USP15: variants seen among roughly 807,000 people sequenced by gnomAD.
USP15 encodes ubiquitin specific peptidase 15.
A neutral mutation model predicts 127.1 loss-of-function variants in USP15; 18 were observed. The ratio of observed to expected loss-of-function variants is 0.14; its 90% CI spans 0.10 to 0.21. The LOEUF is 0.21. Ranked by LOEUF, USP15 falls within the 10% of genes least tolerant of loss-of-function variation. The pLI is 1.00. For synonymous variants in USP15, 364 were observed against 393.7 expected, an observed-to-expected ratio of 0.92 and a Z score of 0.89; for missense variants, 805 against 1,159.9, an observed-to-expected ratio of 0.69 and a Z score of 4.44.
At chr12:62,284,250 G>A (rs769837343) in intron 1 of USP15, among the ~76,000 whole-genome samples, 13 of 152,162 alleles carry the variant, frequency 8.5e-5, no homozygotes, top group Non-Finnish European at 1.2e-4. Flanking sequence ...GGAACTTTGC[G>A]AAGAAAGCAA....
intron 2 of USP15, among the ~76,000 whole-genome samples, chr12:62,298,517 T>G (rs1460597556): frequency 1.3e-5 from 2 of 151,908 alleles, no homozygotes; most frequent in Non-Finnish European, 1.5e-5. Context: ...ATACAAAAAA[T>G]TAGCTGGGTG....
rs745698153 is a variant in USP15 at position 62,401,273 on chromosome 12, G to T, written c.2761G>T (p.Val921Leu). Residue 921 changes from valine to leucine, a missense_variant and splice_region_variant, in exon 21 of 22, where the codon GTG (valine) becomes TTG (leucine). Val to Leu is a conservative substitution (Grantham distance 32, BLOSUM62 1). Coordinates refer to ENST00000280377, the MANE Select transcript of USP15 (RefSeq NM_001252078.2). ...SVSTASEDQI[V>L]SKAAYVLFYQ... ...CTCCACTGCATCTGAAGACCAAATT[G>T]TGGTAAGTTTGTCTTATATTTCCTG... is the stretch of plus-strand genomic sequence containing the variant. The T allele has an allele frequency of 3.7e-6, 6 of 1,609,132 alleles. No homozygotes were observed. In the South Asian group the frequency reaches 6.6e-5, roughly 18 times the overall value.
chr12:62,391,108 A>T (rs768604907), intron 15 of USP15, 49 bp from the exon 16 acceptor site: 3 of 1,535,620 alleles, frequency 2.0e-6, no homozygotes, highest in South Asian at 2.6e-5. Flanking sequence ...TTAATAATTT[A>T]AAAATATAGC....
chr12:62,390,736 A>G (rs2067299185), intron 14 of USP15, 128 bp from the exon 15 acceptor site: 1 of 546,490 alleles, frequency 1.8e-6, no homozygotes, highest in Non-Finnish European at 3.2e-6. Flanking sequence ...GTTTGAATTT[A>G]TCTTTGAATC....
At position 62,297,905 on chromosome 12, in the gene USP15, A is replaced by G. The variant is rs550964923; in HGVS notation, c.217+3599A>G. On this transcript the variant is annotated intron_variant, in intron 2 of 21. Coordinates refer to ENST00000280377, the MANE Select transcript of USP15 (RefSeq NM_001252078.2). ...AAAGCTCACTGAGTTACACGAAAAC[A>G]TAGACAACTTAACAAAACAAGAAAA... Among the ~76,000 whole-genome samples the G allele has an allele frequency of 8.7e-4, 133 of 152,332 alleles. 1 individual carries two copies. Among genetic ancestry groups the G allele is most frequent in the Non-Finnish European group, 1.8e-3 (120 of 68,016 alleles).
intron 19 of USP15, 24 bp downstream of exon 19, chr12:62,393,226 A>G (rs771830818): frequency 6.3e-7 from 1 of 1,597,268 alleles, no homozygotes; most frequent in South Asian, 1.1e-5. Context: ...GTACTTTATA[A>G]GCATTGGGCA....
At chr12:62,274,533 T>A (rs973841052) in intron 1 of USP15, among the ~76,000 whole-genome samples, 12 of 151,976 alleles carry the variant, frequency 7.9e-5, no homozygotes, top group African/African-American at 2.9e-4. Context: ...TCGTCCCAGC[T>A]ACTTGGAAGG....
At chr12:62,281,099 A>C (rs1380929678) in intron 1 of USP15, among the ~76,000 whole-genome samples, 1 of 152,190 alleles carries the variant, frequency 6.6e-6, no homozygotes, top group Non-Finnish European at 1.5e-5. Context: ...CTAGTATTTT[A>C]TCAGTTCAGA....
At chr12:62,288,922 C>T (rs952761899) in intron 1 of USP15, among the ~76,000 whole-genome samples, 2 of 152,076 alleles carry the variant, frequency 1.3e-5, no homozygotes, top group Non-Finnish European at 2.9e-5. Context: ...ACTTCCTTTG[C>T]GTGCCTGGAG....
At chr12:62,306,068 C>CT (rs1457671629) in intron 3 of USP15, 1 of 152,170 alleles carries the variant, frequency 6.6e-6, no homozygotes, top group African/African-American at 2.4e-5. Context: ...TGTGAGTGAC[C>CT]TTGGAAGTGG....
At position 62,391,289 on chromosome 12, in the gene USP15, A is replaced by G. The variant is rs751476590; in HGVS notation, c.2093A>G (p.Asp698Gly). ...NDSENGLCTE[D>G]TCKGQLTGHK... ...TCTGAAAATGGATTATGTACTGAGG[A>G]TACTTGCAAAGGTCAACTCACGGGA... Residue 698 changes from aspartate (D) to glycine (G), a missense_variant, in exon 16 of 22, where the codon GAT (aspartate) becomes GGT (glycine). Asp to Gly is a moderately conservative substitution (Grantham distance 94, BLOSUM62 -1). This residue lies in a region of USP15 where 225 missense variants were observed against 239.5 expected (regional missense o/e 0.94). Coordinates refer to ENST00000280377, the MANE Select transcript of USP15 (RefSeq NM_001252078.2). 1 of 1,613,630 alleles carries G rather than the reference A, an allele frequency of 6.2e-7. No homozygotes were observed. The highest frequency in any genetic ancestry group is 8.5e-7 in the Non-Finnish European group (1 of 1,179,702).
At chr12:62,366,098 T>C (rs2066468626) in intron 8 of USP15, among the ~76,000 whole-genome samples, 1 of 152,120 alleles carries the variant, frequency 6.6e-6, no homozygotes, top group Non-Finnish European at 1.5e-5. Flanking sequence ...AGAAAGTCAG[T>C]GTAGCTTGAT....
intron 2 of USP15, among the ~76,000 whole-genome samples, chr12:62,299,054 C>T (rs1359046407): frequency 6.6e-6 from 1 of 152,110 alleles, no homozygotes; most frequent in Admixed American, 6.5e-5. Context: ...CTACTAATCT[C>T]CTTTGTCTGT....
chr12:62,365,962 A>G lies in USP15; in HGVS notation c.915+10487A>G, dbSNP rs549137553. On this transcript the variant is annotated intron_variant, in intron 8 of 21. Transcript: ENST00000280377. Reference sequence around the variant, plus strand: ...GCTGTTTTGGCTACTGTAGCCTTGTAGTATAGTTTCAAGTCAGGTAACATG... The same window carrying G: ...GCTGTTTTGGCTACTGTAGCCTTGTGGTATAGTTTCAAGTCAGGTAACATG... Among the ~76,000 whole-genome samples, 5 of 152,262 alleles carry G rather than the reference A, an allele frequency of 3.3e-5. No individual in the cohort carries two copies. In the South Asian group the frequency reaches 1.0e-3, roughly 32 times the overall value.
intron 8 of USP15, among the ~76,000 whole-genome samples, chr12:62,371,140 G>A (rs749685353): frequency 2.0e-5 from 3 of 152,100 alleles, no homozygotes; most frequent in Admixed American, 6.5e-5. Flanking sequence ...ATTATTATGT[G>A]TTTAAAACCT....
chr12:62,400,228 A>T (rs755372824), intron 20 of USP15, among the ~76,000 whole-genome samples: 16 of 152,158 alleles, frequency 1.1e-4, no homozygotes, highest in Non-Finnish European at 1.6e-4. Context: ...AGATCTTTAA[A>T]AATTATGTGG....
intron 4 of USP15, among the ~76,000 whole-genome samples, chr12:62,317,501 C>T (rs562292442): frequency 2.0e-5 from 3 of 152,150 alleles, no homozygotes; most frequent in Non-Finnish European, 2.9e-5. Context: ...AAGGAATATT[C>T]GTTTTGGAGA....
intron 2 of USP15, among the ~76,000 whole-genome samples, chr12:62,296,137 A>C (rs2064120647): frequency 6.6e-6 from 1 of 152,246 alleles, no homozygotes; most frequent in Non-Finnish European, 1.5e-5. Context: ...GTTGACAGCC[A>C]GCAAGGAAAC....
chr12:62,341,516 C>G (rs2137382438), intron 6 of USP15, among the ~76,000 whole-genome samples: 1 of 152,184 alleles, frequency 6.6e-6, no homozygotes, highest in Non-Finnish European at 1.5e-5. Flanking sequence ...GTGGCTGGTA[C>G]CAGTTTTTCC....
Sources: gnomAD v4.1 joint callset for allele counts (sites outside exome capture counted in the v4.1 genomes callset) on GRCh38, gnomAD v4.1.1 for gene constraint, gnomAD v4.1.1 regional missense constraint, MANE v1.5 for transcripts, NCBI Gene and HGNC (gene_info 2026-07-23, HGNC 2026-07-21) for gene names.